The following PLCE1 variants were observed in gnomAD, a reference collection of about 807,000 sequenced individuals.
PLCE1 encodes phospholipase C epsilon 1.
Under a neutral mutation model 242.8 loss-of-function variants are expected in PLCE1, and 119 were observed. The ratio of observed to expected loss-of-function variants is 0.49; its 90% CI spans 0.42 to 0.57. The LOEUF is 0.57. Ranked by LOEUF, PLCE1 falls within the 20% of genes least tolerant of loss-of-function variation. The pLI is 0.00. For missense variants in PLCE1, 2,441 were observed against 2,788.8 expected (o/e 0.88, Z 2.81); for synonymous variants, 945 against 1,017.4 (o/e 0.93, Z 1.35).
chr10:94,262,150 A>G (rs2051324338), intron 13 of PLCE1, among the ~76,000 whole-genome samples: 1 of 151,636 alleles, frequency 6.6e-6, no homozygotes, highest in South Asian at 2.1e-4. Context: ...ACAGGTGCAC[A>G]CCACCATGCC....
intron 29 of PLCE1, among the ~76,000 whole-genome samples, chr10:94,318,309 ATT>A (rs757493394): frequency 7.9e-5 from 12 of 152,196 alleles, no homozygotes; most frequent in Non-Finnish European, 1.3e-4. Context: ...TAATGTCTAA[ATT>A]TTTGTCCTGT....
chr10:94,064,678 A>G (rs149216454), intron 2 of PLCE1, among the ~76,000 whole-genome samples: 110 of 152,342 alleles, frequency 7.2e-4, no homozygotes, highest in African/African-American at 2.4e-3. Context: ...TGAGGACAAT[A>G]ATCTTTACCA....
chr10:94,167,926 A>G (rs1263811342), intron 3 of PLCE1, among the ~76,000 whole-genome samples: 3 of 151,826 alleles, frequency 2.0e-5, no homozygotes, highest in Non-Finnish European at 4.4e-5. Context: ...GCCTCAAGTG[A>G]TCCGCCAGCC....
At chr10:94,012,123 G>A (rs2061181175) in intron 1 of PLCE1, among the ~76,000 whole-genome samples, 1 of 152,072 alleles carries the variant, frequency 6.6e-6, no homozygotes, top group Admixed American at 6.5e-5. Flanking sequence ...AACTTCCCAG[G>A]CAATTGCGAA....
At chr10:94,181,832 C>T (rs977122269) in intron 4 of PLCE1, among the ~76,000 whole-genome samples, 14 of 123,832 alleles carry the variant, frequency 1.1e-4, no homozygotes, top group Admixed American at 8.1e-4. Flanking sequence ...GTGGGAGGAA[C>T]ATTTGGGCCC....
chr10:94,152,711 T>G (rs1002238734), intron 3 of PLCE1, among the ~76,000 whole-genome samples: 1 of 152,208 alleles, frequency 6.6e-6, no homozygotes, highest in East Asian at 1.9e-4. Flanking sequence ...TTTCAAGTAA[T>G]ATGCTTAGAT....
intron 17 of PLCE1, 29 bp downstream of exon 17, chr10:94,269,065 A>T (rs748002656): frequency 4.3e-6 from 5 of 1,161,102 alleles, no homozygotes; most frequent in Non-Finnish European, 5.2e-6. Context: ...CTTTAAATCA[A>T]ATCACAAAGA....
intron 22 of PLCE1, among the ~76,000 whole-genome samples, chr10:94,290,020 T>C (rs933663537): frequency 7.9e-5 from 12 of 152,140 alleles, no homozygotes; most frequent in African/African-American, 2.4e-4. Context: ...GTTTTCTTTC[T>C]TATCTTATTT....
chr10:94,325,126 TC>T, intron 32 of PLCE1, 22 bp downstream of exon 32: 1 of 1,519,228 alleles, frequency 6.6e-7, no homozygotes, highest in Non-Finnish European at 9.1e-7. Flanking sequence ...CATTGCACCA[TC>T]CTGGAACAGG....
intron 4 of PLCE1, among the ~76,000 whole-genome samples, chr10:94,171,977 A>G (rs546003376): frequency 2.0e-5 from 3 of 152,278 alleles, no homozygotes; most frequent in African/African-American, 7.2e-5. Flanking sequence ...GGGGCAATTC[A>G]TTGAGGGGCA....
intron 9 of PLCE1, among the ~76,000 whole-genome samples, 180 bp downstream of exon 9, chr10:94,252,678 AAAGAC>A (rs1589422808): frequency 1.3e-5 from 2 of 152,286 alleles, no homozygotes; most frequent in East Asian, 3.9e-4. Context: ...ACACCAGGGA[AAAGAC>A]AAGGTCCGCA....
intron 14 of PLCE1, among the ~76,000 whole-genome samples, chr10:94,263,513 C>CAAAAA (rs780289280): frequency 3.9e-5 from 3 of 76,856 alleles, no homozygotes; most frequent in Non-Finnish European, 8.1e-5. Flanking sequence ...GACCCCATCT[C>CAAAAA]AAAAAAAAAA....
chr10:94,139,906 C>T (rs74151064), intron 3 of PLCE1, among the ~76,000 whole-genome samples: 3,988 of 152,256 alleles, frequency 0.026, 162 homozygotes, highest in African/African-American at 0.091. Context: ...TCTCATACCT[C>T]CCCATTGTCC....
intron 2 of PLCE1, among the ~76,000 whole-genome samples, chr10:94,044,481 AT>A (rs1313617818): frequency 6.6e-6 from 1 of 152,246 alleles, no homozygotes; most frequent in African/African-American, 2.4e-5. Context: ...GTCTGGAAAT[AT>A]TTTAAGCAAA....
At chr10:94,309,630 C>T (rs2053320112) in intron 27 of PLCE1, among the ~76,000 whole-genome samples, 1 of 152,156 alleles carries the variant, frequency 6.6e-6, no homozygotes, top group Non-Finnish European at 1.5e-5. Context: ...TGAGCTACCG[C>T]ACCTGGCCAG....
chr10:94,189,939 G>C (rs1332375358), intron 4 of PLCE1, among the ~76,000 whole-genome samples: 1 of 152,180 alleles, frequency 6.6e-6, no homozygotes, highest in Admixed American at 6.5e-5. Context: ...ACTTCCCTGA[G>C]CCTATTTCTG....
chr10:94,185,790 A>G (rs1182277219), intron 4 of PLCE1, among the ~76,000 whole-genome samples: 1 of 152,214 alleles, frequency 6.6e-6, no homozygotes, highest in Non-Finnish European at 1.5e-5. Flanking sequence ...GCACATCTCC[A>G]TTGAGGATGA....
chr10:94,322,407 T>C (rs1453118443), intron 30 of PLCE1, among the ~76,000 whole-genome samples: 1 of 151,694 alleles, frequency 6.6e-6, no homozygotes, highest in Non-Finnish European at 1.5e-5. Context: ...TCCCAGCAGT[T>C]TGGGAGGCTG....
At chr10:94,267,878 AG>A (rs1399363175) in intron 16 of PLCE1, among the ~76,000 whole-genome samples, 1 of 152,230 alleles carries the variant, frequency 6.6e-6, no homozygotes, top group Non-Finnish European at 1.5e-5. Flanking sequence ...CCCATATAAA[AG>A]TGTTAAAATG....
Sources: allele counts gnomAD v4.1 joint callset (sites outside exome capture counted in the v4.1 genomes callset), GRCh38; gene constraint gnomAD v4.1.1; transcripts MANE v1.5; gene names NCBI Gene and HGNC (gene_info 2026-07-23, HGNC 2026-07-21).